The following GABRA3 variants were observed in gnomAD, a reference collection of about 807,000 sequenced individuals.
GABRA3 encodes the protein gamma-aminobutyric acid type A receptor subunit alpha3.
Under a neutral mutation model 30.1 loss-of-function variants are expected in GABRA3, and 10 were observed. The observed-to-expected ratio is 0.33, with a 90% CI of 0.20 to 0.56. The LOEUF (loss-of-function observed/expected upper bound fraction) is 0.56, where lower values mean the gene tolerates loss of function less well. Ranked by LOEUF, GABRA3 falls within the 20% of genes least tolerant of loss-of-function variation. The pLI, the probability that GABRA3 is intolerant of heterozygous loss-of-function variation, is 0.89. For synonymous variants in GABRA3, 151 were observed against 146.8 expected (o/e 1.03, Z -0.21); for missense variants, 233 against 392.0 (o/e 0.59, Z 3.42).
intron 3 of GABRA3, among the ~76,000 whole-genome samples, chrX:152,290,076 C>T (rs1169958514): frequency 8.9e-6 from 1 of 111,897 alleles, no homozygotes; most frequent in African/African-American, 3.2e-5. Context: ...AGTTCTAGAT[C>T]CTTGAGGAAT....
intron 3 of GABRA3, among the ~76,000 whole-genome samples, chrX:152,288,276 A>G (rs1489505906): frequency 8.9e-6 from 1 of 111,850 alleles, no homozygotes; most frequent in Non-Finnish European, 1.9e-5. Flanking sequence ...GTCTTGGGGC[A>G]AGGCACCTGA....
At chrX:152,294,602 T>C (rs1939490358) in intron 3 of GABRA3, among the ~76,000 whole-genome samples, 1 of 111,268 alleles carries the variant, frequency 9.0e-6, no homozygotes, top group Non-Finnish European at 1.9e-5. Flanking sequence ...AAGTTTGTTA[T>C]TACCACCCTT....
chrX:152,365,436 G>C (rs1928630919), intron 1 of GABRA3, among the ~76,000 whole-genome samples: 1 of 111,208 alleles, frequency 9.0e-6, no homozygotes, highest in African/African-American at 3.3e-5. Context: ...TCCCTATAAG[G>C]AAGGCTGTTT....
At chrX:152,362,856 G>A (rs1248706141) in intron 2 of GABRA3, among the ~76,000 whole-genome samples, 3 of 111,730 alleles carry the variant, frequency 2.7e-5, no homozygotes, top group Non-Finnish European at 5.7e-5. Context: ...GACTGAAACA[G>A]GAAAAAAATG....
chrX:152,288,056 G>A (rs1939329149), intron 3 of GABRA3, among the ~76,000 whole-genome samples: 1 of 112,121 alleles, frequency 8.9e-6, no homozygotes, highest in South Asian at 3.7e-4. Context: ...GCATCAACCA[G>A]AAATCCTTCA....
At chrX:152,210,652 CA>C (rs1294731707) in intron 6 of GABRA3, among the ~76,000 whole-genome samples, 49 of 112,418 alleles carry the variant, frequency 4.4e-4, no homozygotes, top group African/African-American at 1.5e-3. Context: ...TGACATCTCA[CA>C]AATTTAAAAT....
chrX:152,373,446 T>C (rs1462035516), intron 1 of GABRA3, among the ~76,000 whole-genome samples: 4 of 111,736 alleles, frequency 3.6e-5, no homozygotes, highest in East Asian at 2.8e-4. Context: ...TTCTAGATCT[T>C]TGAGGAATTG....
intron 3 of GABRA3, among the ~76,000 whole-genome samples, chrX:152,327,706 G>A (rs1157812136): frequency 4.5e-5 from 5 of 111,767 alleles, no homozygotes; most frequent in African/African-American, 1.6e-4. Context: ...AAAGCAGTGT[G>A]TAGAGGGACA....
At chrX:152,430,125 A>C (rs1309787505) in intron 1 of GABRA3, among the ~76,000 whole-genome samples, 1 of 112,100 alleles carries the variant, frequency 8.9e-6, no homozygotes, top group African/African-American at 3.2e-5. Flanking sequence ...CCCCTCTCTC[A>C]GCTTCAAACA....
rs56321418 is a variant in GABRA3, at chrX:152,236,387, T to C, written c.552-11542A>G. 8.7e-3 allele frequency among the ~76,000 whole-genome samples: 877 copies of C among 100,794 alleles called. 3 individuals are homozygous for C. The highest frequency in any genetic ancestry group is 0.015 in the Non-Finnish European group (725 of 49,353). 87.5% of individuals were successfully genotyped at this position (100,794 alleles called of 115,157 possible). A position where few individuals can be genotyped will look rare whatever the true frequency, so the allele number is the denominator to read the frequency against. On this transcript the variant is annotated intron_variant, in intron 5 of 9. Transcript: ENST00000370314. ...TATGTGCCACATTTTCTTAATCCAG[T>C]CTATCATTGTTGGACGTTTGGGTTG...
At chrX:152,321,018 G>A (rs1356626504) in intron 3 of GABRA3, among the ~76,000 whole-genome samples, 4 of 111,950 alleles carry the variant, frequency 3.6e-5, no homozygotes, top group Non-Finnish European at 3.8e-5. Flanking sequence ...TTTACCCTTT[G>A]AATACCTGGT....
chrX:152,386,623 C>T (rs764482079), intron 1 of GABRA3, among the ~76,000 whole-genome samples: 5 of 106,562 alleles, frequency 4.7e-5, no homozygotes, highest in Admixed American at 1.0e-4. Context: ...GTTAGAATGG[C>T]GATCATTAAA....
intron 1 of GABRA3, among the ~76,000 whole-genome samples, chrX:152,401,663 G>A (rs922336701): frequency 8.0e-5 from 9 of 111,803 alleles, no homozygotes; most frequent in African/African-American, 2.9e-4. Flanking sequence ...CTATGATGGC[G>A]AAAATTCAGT....
chrX:152,189,713 C>G lies in GABRA3; in HGVS notation c.1143+17G>C. 8.6e-7 allele frequency: 1 copy of G among 1,167,954 alleles called. No homozygotes were observed. The highest frequency in any genetic ancestry group is 1.2e-6 in the Non-Finnish European group (1 of 860,161). On this transcript the variant is annotated intron_variant, in intron 9 of 9. Coordinates refer to ENST00000370314, the MANE Select transcript of GABRA3 (RefSeq NM_000808.4). ...CTCTCGGGGGTGCTTCTCAGTTTCT[C>G]TTTTGCTATATCTCACCTTCATCTC...
intron 5 of GABRA3, among the ~76,000 whole-genome samples, chrX:152,247,008 T>C (rs756034777): frequency 8.9e-6 from 1 of 112,135 alleles, no homozygotes; most frequent in African/African-American, 3.2e-5. Context: ...TGCAAGCCAT[T>C]TGCATCTAAA....
At chrX:152,272,533 T>A (rs1938964080) in intron 4 of GABRA3, among the ~76,000 whole-genome samples, 1 of 112,012 alleles carries the variant, frequency 8.9e-6, no homozygotes, top group Non-Finnish European at 1.9e-5. Context: ...TTGTCTCAGA[T>A]GAGACTCTGG....
intron 1 of GABRA3, among the ~76,000 whole-genome samples, chrX:152,422,779 A>C (rs1294922367): frequency 9.0e-6 from 1 of 110,931 alleles, no homozygotes; most frequent in Non-Finnish European, 1.9e-5. Flanking sequence ...GGTAGGAATG[A>C]ACTTAAGAGA....
intron 7 of GABRA3, among the ~76,000 whole-genome samples, chrX:152,199,240 C>G: frequency 9.5e-6 from 1 of 105,537 alleles, no homozygotes; most frequent in Non-Finnish European, 2.0e-5. Flanking sequence ...GTGGCGGGCA[C>G]CTGTAGTCCC....
At chrX:152,349,658 A>C (rs1196048032) in intron 2 of GABRA3, among the ~76,000 whole-genome samples, 2 of 101,483 alleles carry the variant, frequency 2.0e-5, no homozygotes, top group Non-Finnish European at 4.0e-5. Flanking sequence ...TTGCAATCCT[A>C]GTCTCTGATA....
Sources: allele counts gnomAD v4.1 joint callset (sites outside exome capture counted in the v4.1 genomes callset), GRCh38; gene constraint gnomAD v4.1.1; transcripts MANE v1.5; gene names NCBI Gene and HGNC (gene_info 2026-07-23, HGNC 2026-07-21).